Variants in CCNB1 observed in about 807,000 individuals in gnomAD.
The protein encoded by CCNB1 is G2/mitotic-specific cyclin-B1.
A neutral mutation model predicts 44.4 loss-of-function variants in CCNB1; 26 were observed. That is an observed-to-expected ratio of 0.59 (90% CI 0.43 to 0.81). The LOEUF is 0.81. Ranked by LOEUF, CCNB1 falls within the 40% of genes least tolerant of loss-of-function variation. The pLI, the probability that CCNB1 is intolerant of heterozygous loss-of-function variation, is 0.00. For missense variants in CCNB1, 477 were observed against 520.9 expected (o/e 0.92, Z 0.82); for synonymous variants, 195 against 181.4 (o/e 1.08, Z -0.60).
At chr5:69,170,781 A>G (rs967138598) in intron 3 of CCNB1, among the ~76,000 whole-genome samples, 9 of 151,980 alleles carry the variant, frequency 5.9e-5, no homozygotes, top group Non-Finnish European at 5.9e-5. Flanking sequence ...AGCTGCCTTC[A>G]TGCCCAGCTA....
Position 69,171,261 on chromosome 5 carries a change from T to G in CCNB1, c.364-9T>G. 1 of 1,596,500 alleles carries G rather than the reference T, an allele frequency of 6.3e-7. No homozygotes were observed. Among genetic ancestry groups the G allele is most frequent in the Admixed American group, 1.8e-5 (1 of 55,466 alleles). On this transcript the variant is annotated splice_polypyrimidine_tract_variant and intron_variant, in intron 3 of 8. Transcript: ENST00000256442. ...TATTTGCTATTTCAAGATATCTCTTTGTTTCAAGGTTGATACTGCCTCTCC... is the reference window on the plus strand; with the variant it reads ...TATTTGCTATTTCAAGATATCTCTTGGTTTCAAGGTTGATACTGCCTCTCC...
intron 4 of CCNB1, among the ~76,000 whole-genome samples, chr5:69,171,807 GTAGAATA>G (rs1454488947): frequency 2.0e-5 from 3 of 152,200 alleles, no homozygotes; most frequent in African/African-American, 7.2e-5. Flanking sequence ...GGATGAGGAT[GTAGAATA>G]TACTCAAAGA....
intron 3 of CCNB1, among the ~76,000 whole-genome samples, chr5:69,168,739 C>T (rs114179536): frequency 6.6e-6 from 1 of 152,298 alleles, no homozygotes; most frequent in African/African-American, 2.4e-5. Flanking sequence ...GCCATCTCTG[C>T]AGAATTTATT....
rs1258288545 is a variant in CCNB1 at position 69,177,954 on chromosome 5, G to C, written c.*323G>C. On this transcript the variant is annotated 3_prime_UTR_variant, in exon 9 of 9. Coordinates refer to ENST00000256442, the MANE Select transcript of CCNB1 (RefSeq NM_031966.4). Reference sequence around the variant, plus strand: ...GTTACTGAAGGTGATGGAGGTATTTGAAAATTTTACTTCCATAGGACATAC... The same window carrying C: ...GTTACTGAAGGTGATGGAGGTATTTCAAAATTTTACTTCCATAGGACATAC... The C allele has an allele frequency of 1.5e-5, 3 of 195,420 alleles. No individual in the cohort carries two copies. The highest frequency in any genetic ancestry group is 3.2e-5 in the Non-Finnish European group (3 of 94,966). 12.1% of individuals were successfully genotyped at this position (195,420 alleles called of 1,614,324 possible). A position where few individuals can be genotyped will look rare whatever the true frequency, so the allele number is the denominator to read the frequency against.
At chr5:69,176,572 G>A (rs918248114) in intron 7 of CCNB1, among the ~76,000 whole-genome samples, 16 of 149,206 alleles carry the variant, frequency 1.1e-4, no homozygotes, top group Admixed American at 6.0e-4. Context: ...GGGTTTCACC[G>A]TGTTAGCCAG....
chr5:69,176,773 G>A (rs1017555167), intron 7 of CCNB1, among the ~76,000 whole-genome samples: 3 of 151,798 alleles, frequency 2.0e-5, no homozygotes, highest in South Asian at 2.1e-4. Context: ...GAGCTCAAAA[G>A]TTCAAGACCA....
At chr5:69,171,526 A>G (rs138977567) in intron 4 of CCNB1, 74 bp downstream of exon 4, 9 of 1,108,400 alleles carry the variant, frequency 8.1e-6, no homozygotes, top group Non-Finnish European at 1.0e-5. Flanking sequence ...ATAGTTTATA[A>G]TAATACAAGC....
chr5:69,171,525 A>G, intron 4 of CCNB1, 73 bp downstream of exon 4: 1 of 1,119,056 alleles, frequency 8.9e-7, no homozygotes, highest in Admixed American at 2.3e-5. Context: ...AATAGTTTAT[A>G]ATAATACAAG....
At chr5:69,175,363 T>C (rs1275500022) in intron 6 of CCNB1, 34 bp from the exon 7 acceptor site, 1 of 1,604,032 alleles carries the variant, frequency 6.2e-7, no homozygotes, top group Admixed American at 1.7e-5. Flanking sequence ...GAAAATTTTC[T>C]GAAAGAAACT....
chr5:69,175,325 CAT>C (rs1287042621), intron 6 of CCNB1, 70 bp from the exon 7 acceptor site: 98 of 1,411,724 alleles, frequency 6.9e-5, no homozygotes, highest in Non-Finnish European at 9.3e-5. Context: ...GTTAAAGATA[CAT>C]ATGGGCATGC....
intron 3 of CCNB1, 150 bp downstream of exon 3, chr5:69,168,493 C>T: frequency 2.4e-6 from 2 of 825,220 alleles, no homozygotes; most frequent in South Asian, 3.3e-5. Context: ...ATTTTACATG[C>T]ATTAACTCAC....
At position 69,167,919 on chromosome 5, in the gene CCNB1, T is replaced by A. The variant is rs140927235; in HGVS notation, c.33T>A (p.Ile11=). 16 of 1,608,576 alleles carry A rather than the reference T, an allele frequency of 9.9e-6. No homozygotes were observed. In the African/African-American group the frequency reaches 1.6e-4, roughly 16 times the overall value. Residue 11 remains isoleucine (I), a synonymous_variant, in exon 2 of 9, where the codon ATT becomes ATA. Coordinates refer to ENST00000256442, the MANE Select transcript of CCNB1 (RefSeq NM_031966.4). MALRVTRNSK[I]NAENKAKINM... is the part of the protein sequence containing the mutation. ...CTTGCTTCTTTCAGAACTCGAAAAT[T>A]AATGCTGAAAATAAGGCGAAGATCA...
chr5:69,169,145 A>G (rs1041021340), intron 3 of CCNB1, among the ~76,000 whole-genome samples: 4 of 152,098 alleles, frequency 2.6e-5, no homozygotes, highest in South Asian at 2.1e-4. Flanking sequence ...ATCTTGGCTC[A>G]CTGCAACCTC....
intron 4 of CCNB1, among the ~76,000 whole-genome samples, chr5:69,173,762 C>CT (rs897868231): frequency 2.6e-5 from 4 of 151,420 alleles, no homozygotes; most frequent in South Asian, 4.2e-4. Flanking sequence ...TAATGTTTGC[C>CT]TTTTTTTTCT....
chr5:69,175,725 T>C (rs419902), intron 7 of CCNB1, among the ~76,000 whole-genome samples, 188 bp downstream of exon 7: 91,184 of 151,842 alleles, frequency 0.6, 27,887 homozygotes, highest in African/African-American at 0.71. Flanking sequence ...GCTCTGTCAC[T>C]CAGGCTGGAG....
intron 4 of CCNB1, 99 bp downstream of exon 4, chr5:69,171,551 A>G: frequency 2.4e-6 from 2 of 818,956 alleles, no homozygotes; most frequent in South Asian, 2.0e-5. Flanking sequence ...CGTGGGCAGC[A>G]TTTCTTAAGA....
At chr5:69,175,715 G>A (rs1318188522) in intron 7 of CCNB1, among the ~76,000 whole-genome samples, 178 bp downstream of exon 7, 2 of 152,038 alleles carry the variant, frequency 1.3e-5, no homozygotes, top group Non-Finnish European at 2.9e-5. Flanking sequence ...ACAAGGTCTC[G>A]CTCTGTCACT....
At chr5:69,175,277 T>G (rs1027446751) in intron 6 of CCNB1, 120 bp from the exon 7 acceptor site, 1 of 1,066,406 alleles carries the variant, frequency 9.4e-7, no homozygotes, top group African/African-American at 1.6e-5. Context: ...ATTAGGACTT[T>G]CCATGGGCAT....
chr5:69,173,791 A>C (rs1747516864), intron 4 of CCNB1, among the ~76,000 whole-genome samples: 1 of 150,096 alleles, frequency 6.7e-6, no homozygotes, highest in South Asian at 2.1e-4. Flanking sequence ...TGGGGTGGGG[A>C]GACAGTCTCA....
Sources: gnomAD v4.1 joint callset for allele counts (sites outside exome capture counted in the v4.1 genomes callset) on GRCh38, gnomAD v4.1.1 for gene constraint, MANE v1.5 for transcripts, NCBI Gene and HGNC (gene_info 2026-07-23, HGNC 2026-07-21) for gene names.